DPF3: variants seen among roughly 807,000 people sequenced by gnomAD.
DPF3 encodes the protein zinc finger protein DPF3.
DPF3 carries 18 observed loss-of-function variants against 56.8 expected under a neutral mutation model. The ratio of observed to expected loss-of-function variants is 0.32; its 90% CI spans 0.22 to 0.47. The LOEUF is 0.47. Among genes scored for constraint, DPF3 ranks in the 20% least tolerant of loss-of-function variants. DPF3 has a pLI of 1.00. For synonymous variants in DPF3, 188 were observed against 180.2 expected (o/e 1.04, Z -0.35); for missense variants, 403 against 488.8 (o/e 0.82, Z 1.65).
intron 6 of DPF3, among the ~76,000 whole-genome samples, chr14:72,714,173 TG>T (rs1175745284): frequency 2.0e-5 from 3 of 151,530 alleles, no homozygotes; most frequent in Non-Finnish European, 4.4e-5. Context: ...TGGCAGGAGG[TG>T]GGGGTGCAGA....
chr14:72,819,907 C>CA (rs1178505642), intron 1 of DPF3, among the ~76,000 whole-genome samples: 2 of 152,140 alleles, frequency 1.3e-5, no homozygotes, highest in Non-Finnish European at 2.9e-5. Context: ...CACTACACTC[C>CA]AACCTGGGCG....
chr14:72,712,493 C>A (rs1888696624), intron 6 of DPF3, among the ~76,000 whole-genome samples: 1 of 152,092 alleles, frequency 6.6e-6, no homozygotes, highest in Non-Finnish European at 1.5e-5. Flanking sequence ...GGCTGGGAAT[C>A]CAATGAAAGC....
At chr14:72,670,788 C>T (rs1473427150) in intron 8 of DPF3, 2 of 1,055,896 alleles carry the variant, frequency 1.9e-6, no homozygotes, top group Non-Finnish European at 2.3e-6. Flanking sequence ...AAATTGAGGA[C>T]ATCAACTCTG....
At chr14:72,714,325 CTG>C (rs1209736477) in intron 6 of DPF3, 96 bp downstream of exon 6, 70 of 1,469,362 alleles carry the variant, frequency 4.8e-5, no homozygotes, top group East Asian at 1.4e-4. Context: ...AGAGCACACA[CTG>C]AGGTTGGCAG....
At chr14:72,767,775 AAAAAC>A (rs1160543143) in intron 2 of DPF3, among the ~76,000 whole-genome samples, 32 of 146,586 alleles carry the variant, frequency 2.2e-4, no homozygotes, top group Admixed American at 1.1e-3. Context: ...AAAAAAAAAA[AAAAAC>A]CCCATAAACC....
intron 1 of DPF3, among the ~76,000 whole-genome samples, chr14:72,887,718 A>T (rs1405783326): frequency 6.6e-6 from 1 of 152,138 alleles, no homozygotes; most frequent in East Asian, 1.9e-4. Context: ...ATCACAAGCT[A>T]GTTGCCTGTA....
At chr14:72,715,989 T>C (rs1888908236) in intron 5 of DPF3, among the ~76,000 whole-genome samples, 1 of 151,140 alleles carries the variant, frequency 6.6e-6, no homozygotes, top group Non-Finnish European at 1.5e-5. Flanking sequence ...CCGAGGGTGG[T>C]CACCCTCAGC....
chr14:72,649,670 G>GGGGA (rs397967973), intron 8 of DPF3, among the ~76,000 whole-genome samples: 5 of 112,364 alleles, frequency 4.4e-5, no homozygotes, highest in Non-Finnish European at 7.2e-5. Context: ...TGGGGGGGGG[G>GGGGA]ATTAATGTAT....
At chr14:72,801,704 C>T (rs528309696) in intron 1 of DPF3, among the ~76,000 whole-genome samples, 4 of 152,168 alleles carry the variant, frequency 2.6e-5, no homozygotes, top group East Asian at 1.9e-4. Flanking sequence ...TGTCCAGTGG[C>T]GACAGATCAG....
At chr14:72,669,390 C>T (rs184022477) in intron 8 of DPF3, among the ~76,000 whole-genome samples, 5 of 152,326 alleles carry the variant, frequency 3.3e-5, no homozygotes, top group Non-Finnish European at 5.9e-5. Context: ...GCAAGAGACC[C>T]TGGCCAACCT....
At chr14:72,755,457 A>G (rs1890753425) in intron 2 of DPF3, among the ~76,000 whole-genome samples, 1 of 152,182 alleles carries the variant, frequency 6.6e-6, no homozygotes, top group South Asian at 2.1e-4. Context: ...TCTGCAGTGC[A>G]AAGGAAGAGC....
intron 2 of DPF3, among the ~76,000 whole-genome samples, chr14:72,756,841 A>G (rs1472973928): frequency 8.5e-6 from 1 of 117,744 alleles, no homozygotes; most frequent in African/African-American, 3.2e-5. Context: ...AGAAAGAAAG[A>G]AAGAAAGAAA....
chr14:72,828,554 T>TAAAAAAAAAAAAAAAAAAAAAAA (rs1883918788), intron 1 of DPF3, among the ~76,000 whole-genome samples: 1 of 19,834 alleles, frequency 5.0e-5, no homozygotes, highest in African/African-American at 1.6e-4. Flanking sequence ...AAAAAAAAAC[T>TAAAAAAAAAAAAAAAAAAAAAAA]TAATATGATT....
chr14:72,702,535 G>T (rs1458930815), intron 6 of DPF3, among the ~76,000 whole-genome samples: 1 of 152,074 alleles, frequency 6.6e-6, no homozygotes, highest in South Asian at 2.1e-4. Context: ...ACATCCTGCC[G>T]GATACCATTT....
intron 1 of DPF3, among the ~76,000 whole-genome samples, chr14:72,844,480 G>T (rs1884672173): frequency 6.6e-6 from 1 of 152,086 alleles, no homozygotes; most frequent in Non-Finnish European, 1.5e-5. Context: ...GATCTAACAG[G>T]GTCTTGAATA....
At chr14:72,864,879 G>C (rs1885601944) in intron 1 of DPF3, among the ~76,000 whole-genome samples, 1 of 152,238 alleles carries the variant, frequency 6.6e-6, no homozygotes. Flanking sequence ...CTGAATGGGA[G>C]GTGAACAGAG....
chr14:72,632,694 G>A (rs116911205), intron 8 of DPF3, among the ~76,000 whole-genome samples: 7,910 of 126,386 alleles, frequency 0.063, 290 homozygotes, highest in Middle Eastern at 0.12. Context: ...GGGAAGAGAT[G>A]AAAGGGACAG....
At chr14:72,705,129 G>C (rs1273111942) in intron 6 of DPF3, among the ~76,000 whole-genome samples, 1 of 152,176 alleles carries the variant, frequency 6.6e-6, no homozygotes, top group Non-Finnish European at 1.5e-5. Flanking sequence ...GGGCAGGCAA[G>C]AGAAACTTCA....
At chr14:72,715,713 C>T (rs1040064445) in intron 5 of DPF3, among the ~76,000 whole-genome samples, 1 of 152,034 alleles carries the variant, frequency 6.6e-6, no homozygotes, top group African/African-American at 2.4e-5. Context: ...GCCTGCAACA[C>T]ACCCACTCAG....
Sources: allele counts gnomAD v4.1 joint callset (sites outside exome capture counted in the v4.1 genomes callset), GRCh38; gene constraint gnomAD v4.1.1; transcripts MANE v1.5; gene names NCBI Gene and HGNC (gene_info 2026-07-23, HGNC 2026-07-21).